The following PARM1 variants were observed in gnomAD, a reference collection of about 807,000 sequenced individuals.
The protein encoded by PARM1 is prostate androgen-regulated mucin-like protein 1, also known as WSC4, cell wall integrity and stress response component 4 homolog.
Under a neutral mutation model 24.6 loss-of-function variants are expected in PARM1, and 14 were observed. The ratio of observed to expected loss-of-function variants is 0.57; its 90% CI spans 0.38 to 0.89. PARM1 has a LOEUF of 0.89. Ranked by LOEUF, PARM1 falls within the 40% of genes least tolerant of loss-of-function variation. The probability of loss-of-function intolerance (pLI) is 0.00; values close to 1 mark genes in which losing one functional copy is unlikely to be tolerated. For missense variants in PARM1, 362 were observed against 380.4 expected (o/e 0.95, Z 0.40); for synonymous variants, 179 against 156.6 (o/e 1.14, Z -1.07).
intron 1 of PARM1, among the ~76,000 whole-genome samples, chr4:74,946,601 A>G (rs1721417574): frequency 6.6e-6 from 1 of 152,206 alleles, no homozygotes; most frequent in Non-Finnish European, 1.5e-5. Flanking sequence ...AATACATAAG[A>G]TGAATCTGGA....
chr4:74,954,617 G>A (rs185383180), intron 1 of PARM1, among the ~76,000 whole-genome samples: 204 of 152,162 alleles, frequency 1.3e-3, no homozygotes, highest in African/African-American at 3.6e-3. Flanking sequence ...GATGCTGATG[G>A]CCCATTCTAG....
At chr4:75,007,564 T>G (rs1172320712) in intron 1 of PARM1, among the ~76,000 whole-genome samples, 1 of 152,178 alleles carries the variant, frequency 6.6e-6, no homozygotes, top group African/African-American at 2.4e-5. Context: ...TTAAACTCAC[T>G]CATTATTTAG....
intron 2 of PARM1, among the ~76,000 whole-genome samples, chr4:75,020,062 A>G (rs1342598013): frequency 2.0e-5 from 3 of 150,328 alleles, no homozygotes; most frequent in South Asian, 2.1e-4. Context: ...CGAAAAATGT[A>G]TATTGTAGTA....
At chr4:74,964,208 T>G (rs947244378) in intron 1 of PARM1, among the ~76,000 whole-genome samples, 1 of 152,170 alleles carries the variant, frequency 6.6e-6, no homozygotes, top group Non-Finnish European at 1.5e-5. Flanking sequence ...ATACTCTTCT[T>G]TTATGGGAAG....
At chr4:74,999,153 T>G (rs1465245499) in intron 1 of PARM1, 5 of 152,246 alleles carry the variant, frequency 3.3e-5, no homozygotes, top group African/African-American at 1.2e-4. Flanking sequence ...AGCAACCAAC[T>G]TCATTCTCAT....
rs3822109 is a variant in PARM1, at chr4:75,012,761, C to T, written c.380C>T (p.Ser127Leu). Reference sequence around the variant, plus strand: ...ACAACCACGTTGGAGGAACACAGCTCGGGCACTCCTGAAGCAGGCGTGGCA... The same window carrying T: ...ACAACCACGTTGGAGGAACACAGCTTGGGCACTCCTGAAGCAGGCGTGGCA... ...HLTTTLEEHS[S>L]GTPEAGVAAT... Residue 127 changes from serine to leucine, a missense_variant, in exon 2 of 4, where the codon TCG becomes TTG. Ser to Leu is a moderately radical substitution (Grantham distance 145). Coordinates refer to ENST00000307428, the MANE Select transcript of PARM1 (RefSeq NM_015393.4). 683,571 of 1,613,510 alleles carry T rather than the reference C, an allele frequency of 0.42. 148,830 individuals carry two copies. The highest frequency in any genetic ancestry group is 0.46 in the South Asian group (41,589 of 91,062).
intron 2 of PARM1, among the ~76,000 whole-genome samples, chr4:75,019,302 C>A (rs1369591439): frequency 2.0e-5 from 3 of 152,170 alleles, no homozygotes; most frequent in East Asian, 1.9e-4. Flanking sequence ...ACTGACATTG[C>A]AAAACAAGTA....
At chr4:75,011,591 A>G (rs1269818659) in intron 1 of PARM1, among the ~76,000 whole-genome samples, 1 of 152,208 alleles carries the variant, frequency 6.6e-6, no homozygotes, top group Admixed American at 6.5e-5. Flanking sequence ...TAATCATTGA[A>G]TGAGTCAATG....
intron 1 of PARM1, among the ~76,000 whole-genome samples, chr4:74,948,003 T>C (rs1721441485): frequency 6.6e-6 from 1 of 152,224 alleles, no homozygotes; most frequent in South Asian, 2.1e-4. Context: ...CCAGGAAGAC[T>C]GCTGGACGCT....
Position 75,047,037 on chromosome 4 carries a change from G to C in PARM1, c.*790G>C, listed in dbSNP as rs1560397571. 1.3e-5 allele frequency: 2 copies of C among 152,588 alleles called. No homozygotes were observed. The highest frequency in any genetic ancestry group is 6.5e-5 in the Admixed American group (1 of 15,292). 9.5% of individuals were successfully genotyped at this position (152,588 alleles called of 1,614,324 possible). On this transcript the variant is annotated 3_prime_UTR_variant, in exon 4 of 4. Coordinates refer to ENST00000307428, the MANE Select transcript of PARM1 (RefSeq NM_015393.4). ...TCCAAAGAAAAAGGCTATGAGATGA[G>C]CTGAGTTATAGAGAGAAAGGGAGAG...
intron 3 of PARM1, among the ~76,000 whole-genome samples, chr4:75,040,443 A>G (rs979538382): frequency 6.6e-6 from 1 of 152,110 alleles, no homozygotes; most frequent in African/African-American, 2.4e-5. Context: ...AGAGTCTGGA[A>G]AAAAAAAGGA....
intron 1 of PARM1, among the ~76,000 whole-genome samples, chr4:75,011,626 G>C (rs959099999): frequency 1.3e-5 from 2 of 152,130 alleles, no homozygotes; most frequent in Admixed American, 1.3e-4. Context: ...AGTAAGTGCA[G>C]GGAAGGAGAA....
intron 1 of PARM1, among the ~76,000 whole-genome samples, chr4:75,001,596 G>T (rs1202728249): frequency 6.6e-6 from 1 of 152,134 alleles, no homozygotes; most frequent in Non-Finnish European, 1.5e-5. Context: ...ATTAAGACGT[G>T]TGCATTTTAC....
intron 1 of PARM1, among the ~76,000 whole-genome samples, chr4:74,984,372 A>G (rs1395763284): frequency 1.3e-5 from 2 of 152,192 alleles, no homozygotes; most frequent in African/African-American, 4.8e-5. Flanking sequence ...ATATTTGCAC[A>G]GTGCTCTGGA....
At chr4:75,039,550 A>ATAAG (rs1560395116) in intron 3 of PARM1, among the ~76,000 whole-genome samples, 1 of 151,760 alleles carries the variant, frequency 6.6e-6, no homozygotes, top group Non-Finnish European at 1.5e-5. Context: ...AAATAAATAA[A>ATAAG]CAGTTTCCTG....
intron 1 of PARM1, among the ~76,000 whole-genome samples, chr4:74,940,158 T>C (rs766116497): frequency 4.6e-5 from 7 of 152,202 alleles, no homozygotes; most frequent in Non-Finnish European, 8.8e-5. Context: ...AAAATACATG[T>C]TACCTTTTAT....
chr4:74,952,040 T>A (rs1019039311), intron 1 of PARM1, among the ~76,000 whole-genome samples: 3 of 152,218 alleles, frequency 2.0e-5, no homozygotes, highest in African/African-American at 7.2e-5. Flanking sequence ...TTGAACTAAT[T>A]TATACTCCCA....
At chr4:75,007,535 T>C (rs1328690486) in intron 1 of PARM1, among the ~76,000 whole-genome samples, 2 of 152,180 alleles carry the variant, frequency 1.3e-5, no homozygotes, top group Admixed American at 6.5e-5. Flanking sequence ...GTCTGCTCCC[T>C]CATTTATCAA....
intron 1 of PARM1, among the ~76,000 whole-genome samples, chr4:74,949,075 A>G (rs2109983854): frequency 6.6e-6 from 1 of 152,212 alleles, no homozygotes; most frequent in East Asian, 1.9e-4. Context: ...CACTTTACAG[A>G]CAAGCTTGTT....
Sources: allele counts gnomAD v4.1 joint callset (sites outside exome capture counted in the v4.1 genomes callset), GRCh38; gene constraint gnomAD v4.1.1; transcripts MANE v1.5; gene names NCBI Gene and HGNC (gene_info 2026-07-23, HGNC 2026-07-21).